RNF2: variants seen among roughly 807,000 people sequenced by gnomAD.
RNF2 encodes the protein E3 ubiquitin-protein ligase RING2.
RNF2 carries 6 observed loss-of-function variants against 37.2 expected under a neutral mutation model. That is an observed-to-expected ratio of 0.16 (90% CI 0.09 to 0.32). RNF2 has a LOEUF of 0.32. Ranked by LOEUF, RNF2 falls within the 10% of genes least tolerant of loss-of-function variation. The pLI is 1.00. For missense variants in RNF2, 251 were observed against 404.0 expected (o/e 0.62, Z 3.25); for synonymous variants, 133 against 132.7 (o/e 1.00, Z -0.02).
At position 185,081,038 on chromosome 1, in the gene RNF2, A is replaced by C. The variant is rs541059146; in HGVS notation, c.-2-6514A>C. The stretch of plus-strand genomic sequence containing the variant: ...TTTTGGTTCTCTGAAAGATCTATCT[A>C]GGATATATGTTAGAAATAATGGCAC... On this transcript the variant is annotated intron_variant, in intron 1 of 6. Transcript: ENST00000367510. Among the ~76,000 whole-genome samples the C allele has an allele frequency of 9.8e-5, 15 of 152,288 alleles. No individual in the cohort carries two copies. The South Asian group carries it at 2.5e-3, about 25-fold the overall frequency.
At position 185,091,584 on chromosome 1, in the gene RNF2, A is replaced by C; in HGVS notation, c.93A>C (p.Ala31=). Residue 31 remains alanine, a synonymous_variant, in exon 3 of 7, where the codon GCA becomes GCC. Coordinates refer to ENST00000367510, the MANE Select transcript of RNF2 (RefSeq NM_007212.4). ...LYELQRTPQE[A]ITDGLEIVVS... Reference sequence around the variant, plus strand: ...TTAAAGTGACTCTTTTACAGGAGGCAATAACAGATGGCTTAGAAATTGTGG... The same window carrying C: ...TTAAAGTGACTCTTTTACAGGAGGCCATAACAGATGGCTTAGAAATTGTGG... 6.2e-7 allele frequency: 1 copy of C among 1,613,398 alleles called. No homozygotes were observed. The highest frequency in any genetic ancestry group is 1.1e-5 in the South Asian group (1 of 91,006).
At position 185,100,490 on chromosome 1, in the gene RNF2, A is replaced by G; in HGVS notation, c.*189A>G. ...GATTTCCTTTTTGGAAGGGACTGCA[A>G]TTATTCAGTATTTTTTTCTTTCCTT... On this transcript the variant is annotated 3_prime_UTR_variant, in exon 7 of 7. Coordinates refer to ENST00000367510, the MANE Select transcript of RNF2 (RefSeq NM_007212.4). 2 of 392,712 alleles carry G rather than the reference A, an allele frequency of 5.1e-6. No homozygotes were observed. Among genetic ancestry groups the G allele is most frequent in the East Asian group, 7.6e-5 (2 of 26,404 alleles). 24.3% of individuals were successfully genotyped at this position (392,712 alleles called of 1,614,324 possible). A position where few individuals can be genotyped will look rare whatever the true frequency, so the allele number is the denominator to read the frequency against.
At position 185,098,297 on chromosome 1, in the gene RNF2, C is replaced by G; in HGVS notation, c.690C>G (p.Phe230Leu). 1 of 1,614,152 alleles carries G rather than the reference C, an allele frequency of 6.2e-7. No homozygotes were observed. The highest frequency in any genetic ancestry group is 8.5e-7 in the Non-Finnish European group (1 of 1,180,018). ...MDGASEIELV[F>L]RPHPTLMEKD... ...GTGCTAGTGAAATTGAATTAGTATT[C>G]AGGCCTCATCCCACACTTATGGAAA... Residue 230 changes from phenylalanine to leucine, a missense_variant, in exon 5 of 7, where the codon TTC becomes TTG. Phe to Leu is a conservative substitution (Grantham distance 22, BLOSUM62 0). Around this residue, in one of 7 missense-constraint regions of RNF2, gnomAD observed 94 missense variants for 99.2 expected, o/e 0.95. Coordinates refer to ENST00000367510, the MANE Select transcript of RNF2 (RefSeq NM_007212.4).
chr1:185,097,738 T>C (rs1651952862), intron 4 of RNF2, among the ~76,000 whole-genome samples: 1 of 152,348 alleles, frequency 6.6e-6, no homozygotes, highest in African/African-American at 2.4e-5. Flanking sequence ...GGTCTCACTT[T>C]GTTGCCCAAG....
At chr1:185,063,975 T>C (rs548166839) in intron 1 of RNF2, among the ~76,000 whole-genome samples, 1 of 152,340 alleles carries the variant, frequency 6.6e-6, no homozygotes, top group African/African-American at 2.4e-5. Context: ...TCTCCCCATC[T>C]TAAGAGCTGT....
chr1:185,086,231 G>A (rs998249621), intron 1 of RNF2, among the ~76,000 whole-genome samples: 1 of 151,924 alleles, frequency 6.6e-6, no homozygotes, highest in Non-Finnish European at 1.5e-5. Flanking sequence ...ATCGATTGTT[G>A]TTTATCTATT....
chr1:185,086,769 G>A (rs912404883), intron 1 of RNF2, among the ~76,000 whole-genome samples: 1 of 152,176 alleles, frequency 6.6e-6, no homozygotes, highest in African/African-American at 2.4e-5. Flanking sequence ...GAGGCAGAAT[G>A]ACTAGTGGTT....
chr1:185,089,669 G>T (rs1050400189), intron 2 of RNF2, among the ~76,000 whole-genome samples: 12 of 152,152 alleles, frequency 7.9e-5, no homozygotes, highest in Admixed American at 6.5e-5. Context: ...CAGCTATGCA[G>T]GGGAGCAGAG....
At chr1:185,084,942 A>T (rs536109203) in intron 1 of RNF2, among the ~76,000 whole-genome samples, 59 of 152,184 alleles carry the variant, frequency 3.9e-4, no homozygotes, top group South Asian at 1.9e-3. Context: ...AATGAGGGAC[A>T]TGTTGTGTCT....
intron 3 of RNF2, 55 bp downstream of exon 3, chr1:185,091,794 T>C (rs1651770860): frequency 6.8e-7 from 1 of 1,471,868 alleles, no homozygotes; most frequent in Admixed American, 2.1e-5. Context: ...GAAAGTGCTT[T>C]CCAGGGTTTG....
intron 1 of RNF2, among the ~76,000 whole-genome samples, chr1:185,061,974 A>G (rs1253799589): frequency 6.6e-6 from 1 of 152,192 alleles, no homozygotes; most frequent in East Asian, 1.9e-4. Flanking sequence ...CTTCTTTACC[A>G]TTCACGTGTA....
At chr1:185,088,362 G>T (rs1298925730) in intron 2 of RNF2, among the ~76,000 whole-genome samples, 7 of 151,998 alleles carry the variant, frequency 4.6e-5, no homozygotes, top group Admixed American at 3.9e-4. Flanking sequence ...GCTAAAGGAA[G>T]CCTTACCAAC....
intron 1 of RNF2, chr1:185,071,538 CCCGAGATTCTATTTT>C (rs1337486857): frequency 6.6e-6 from 1 of 152,444 alleles, no homozygotes; most frequent in Non-Finnish European, 1.5e-5. Context: ...CGTTTAGAGT[CCCGAGATTCTATTTT>C]CTTTTCACAT....
rs1431777673 is a variant in RNF2, at chr1:185,076,308, T to TTTTTTTTTTTTTG, written c.-2-11244_-2-11243insTTTTTTTTTTTTG. 2.6e-5 allele frequency among the ~76,000 whole-genome samples: 3 copies of TTTTTTTTTTTTTG among 113,244 alleles called. 1 individual carries two copies. Among genetic ancestry groups the TTTTTTTTTTTTTG allele is most frequent in the Non-Finnish European group, 5.2e-5 (3 of 57,680 alleles). The allele number at this position is 113,244 out of a possible 152,430, so 74.3% of individuals were successfully genotyped here. A position where few individuals can be genotyped will look rare whatever the true frequency, so the allele number is the denominator to read the frequency against. On this transcript the variant is annotated intron_variant, in intron 1 of 6. Transcript: ENST00000367510. ...TTTTTTTTTTTTTTTTTTTTTTTTT[T>TTTTTTTTTTTTTG]GAGACAGAGTCTCATTCTGTCGCCC...
chr1:185,087,527 G>A (rs773915360), intron 1 of RNF2, 25 bp from the exon 2 acceptor site: 1 of 1,605,014 alleles, frequency 6.2e-7, no homozygotes, highest in South Asian at 1.1e-5. Context: ...TACTAAAATT[G>A]TTTTTCTCTC....
chr1:185,098,444 C>A, intron 5 of RNF2, 100 bp downstream of exon 5: 2 of 1,356,842 alleles, frequency 1.5e-6, no homozygotes, highest in East Asian at 2.4e-5. Flanking sequence ...ATTTGTCATC[C>A]CATTGATTGC....
intron 3 of RNF2, 89 bp from the exon 4 acceptor site, chr1:185,092,972 G>T: frequency 9.4e-7 from 1 of 1,069,192 alleles, no homozygotes; most frequent in Admixed American, 1.9e-5. Context: ...TGGAATAAAG[G>T]TGAATAACTA....
intron 1 of RNF2, among the ~76,000 whole-genome samples, chr1:185,049,874 G>A (rs1269797850): frequency 6.6e-6 from 1 of 152,122 alleles, no homozygotes; most frequent in Admixed American, 6.6e-5. Flanking sequence ...TAACTGCCAG[G>A]GTCAGGGGCT....
chr1:185,075,012 T>G (rs893411442), intron 1 of RNF2, among the ~76,000 whole-genome samples: 1 of 152,192 alleles, frequency 6.6e-6, no homozygotes, highest in Non-Finnish European at 1.5e-5. Flanking sequence ...TTATTTATTT[T>G]TGAGATGGAG....
Sources: gnomAD v4.1 joint callset for allele counts (sites outside exome capture counted in the v4.1 genomes callset) on GRCh38, gnomAD v4.1.1 for gene constraint, gnomAD v4.1.1 regional missense constraint, MANE v1.5 for transcripts, NCBI Gene and HGNC (gene_info 2026-07-23, HGNC 2026-07-21) for gene names.